MSI2: variants seen among roughly 807,000 people sequenced by gnomAD.
The protein encoded by MSI2 is musashi RNA binding protein 2, also known as RNA-binding protein Musashi homolog 2.
Under a neutral mutation model 45.6 loss-of-function variants are expected in MSI2, and 17 were observed. The ratio of observed to expected loss-of-function variants is 0.37; its 90% CI spans 0.26 to 0.56. The LOEUF is 0.56. Among genes scored for constraint, MSI2 ranks in the 20% least tolerant of loss-of-function variants. The probability of loss-of-function intolerance (pLI) is 0.77; values close to 1 mark genes in which losing one functional copy is unlikely to be tolerated. For synonymous variants in MSI2, 156 were observed against 158.2 expected, an observed-to-expected ratio of 0.99 and a Z score of 0.11; for missense variants, 293 against 444.2, an observed-to-expected ratio of 0.66 and a Z score of 3.06.
chr17:57,369,761 A>G (rs946871773), intron 5 of MSI2, among the ~76,000 whole-genome samples: 1 of 152,176 alleles, frequency 6.6e-6, no homozygotes. Flanking sequence ...ATCCCATTTT[A>G]TAGATGAAGA....
chr17:57,379,242 TA>T (rs943698091), intron 5 of MSI2, among the ~76,000 whole-genome samples: 1 of 151,572 alleles, frequency 6.6e-6, no homozygotes, highest in Non-Finnish European at 1.5e-5. Context: ...GAGAAAAACC[TA>T]AAAAAACTAC....
At chr17:57,317,610 C>T (rs1912962322) in intron 5 of MSI2, among the ~76,000 whole-genome samples, 2 of 150,546 alleles carry the variant, frequency 1.3e-5, no homozygotes, top group Admixed American at 6.6e-5. Flanking sequence ...TCCTGGGCTC[C>T]AGTGATCCTC....
chr17:57,444,181 G>T (rs1162675404), intron 6 of MSI2, among the ~76,000 whole-genome samples: 1 of 152,162 alleles, frequency 6.6e-6, no homozygotes, highest in Non-Finnish European at 1.5e-5. Context: ...CCTGCACATG[G>T]CTAGGCATCC....
intron 5 of MSI2, among the ~76,000 whole-genome samples, chr17:57,327,810 G>A (rs1913930696): frequency 6.6e-6 from 1 of 152,142 alleles, no homozygotes; most frequent in Admixed American, 6.5e-5. Flanking sequence ...GGGACTTGTA[G>A]TTCAGGCTCA....
rs767038158 is a variant in MSI2 at position 57,257,434 on chromosome 17, C to T, written c.104-32C>T. On this transcript the variant is annotated intron_variant, in intron 2 of 13. Transcript: ENST00000284073. ...GCTTTTTTTTTCCACACCTTCTCTC[C>T]CCCCCCCATCTCTCTCTTTCTCTCT... The T allele has an allele frequency of 7.1e-6, 8 of 1,125,622 alleles. No individual in the cohort carries two copies. The East Asian group carries it at 1.7e-4, about 24-fold the overall frequency. 69.7% of individuals were successfully genotyped at this position (1,125,622 alleles called of 1,614,324 possible).
At chr17:57,346,781 A>AT (rs1268088439) in intron 5 of MSI2, among the ~76,000 whole-genome samples, 1 of 151,764 alleles carries the variant, frequency 6.6e-6, no homozygotes, top group Non-Finnish European at 1.5e-5. Flanking sequence ...TAATTTTTCT[A>AT]TTTTTTGTAG....
intron 5 of MSI2, among the ~76,000 whole-genome samples, chr17:57,347,228 T>G (rs977535622): frequency 6.6e-6 from 1 of 152,172 alleles, no homozygotes; most frequent in African/African-American, 2.4e-5. Context: ...TTGCCATAGA[T>G]AATAAGGATG....
intron 7 of MSI2, among the ~76,000 whole-genome samples, chr17:57,574,876 G>T (rs935858273): frequency 1.4e-5 from 2 of 147,840 alleles, no homozygotes; most frequent in African/African-American, 5.0e-5. Flanking sequence ...TGTCGCCCAG[G>T]CTGGAGTGCA....
intron 6 of MSI2, among the ~76,000 whole-genome samples, chr17:57,432,169 C>T (rs1468059411): frequency 6.6e-6 from 1 of 152,128 alleles, no homozygotes; most frequent in Non-Finnish European, 1.5e-5. Context: ...CTTAATGTGG[C>T]TCTGGTGGAT....
In MSI2 at chr17:57,296,098, A is replaced by G. The variant is rs549025816; in HGVS notation, c.312+33906A>G. Reference sequence around the variant, plus strand: ...GTCATCACAGCTGACTACCTGCTTAATGTTTGCATATAGATATTTCATTTT... The same window carrying G: ...GTCATCACAGCTGACTACCTGCTTAGTGTTTGCATATAGATATTTCATTTT... On this transcript the variant is annotated intron_variant, in intron 5 of 13. Transcript: ENST00000284073. 9.7e-5 allele frequency among the ~76,000 whole-genome samples: 13 copies of G among 134,630 alleles called. No individual in the cohort carries two copies. In the South Asian group the frequency reaches 2.0e-3, roughly 21 times the overall value. The allele number at this position is 134,630 out of a possible 152,430, so 88.3% of individuals were successfully genotyped here.
At chr17:57,637,667 G>A (rs1350289411) in intron 10 of MSI2, among the ~76,000 whole-genome samples, 1 of 152,238 alleles carries the variant, frequency 6.6e-6, no homozygotes, top group Non-Finnish European at 1.5e-5. Context: ...TTCCCCATCT[G>A]TCAAATCAGG....
chr17:57,300,321 A>G (rs1158447006), intron 5 of MSI2, among the ~76,000 whole-genome samples: 1 of 152,208 alleles, frequency 6.6e-6, no homozygotes, highest in African/African-American at 2.4e-5. Flanking sequence ...TTTAAAATCC[A>G]TTTAAAAAAT....
chr17:57,371,746 A>G (rs1263621273), intron 5 of MSI2, among the ~76,000 whole-genome samples: 1 of 152,002 alleles, frequency 6.6e-6, no homozygotes, highest in Non-Finnish European at 1.5e-5. Context: ...TATAAGTAAC[A>G]TTGTGGAATA....
chr17:57,577,764 C>T (rs1170349582), intron 7 of MSI2, among the ~76,000 whole-genome samples: 1 of 152,190 alleles, frequency 6.6e-6, no homozygotes, highest in Non-Finnish European at 1.5e-5. Flanking sequence ...ACAGCAATTA[C>T]TTGGAGTAAG....
At chr17:57,302,474 C>T (rs1390977852) in intron 5 of MSI2, among the ~76,000 whole-genome samples, 1 of 152,192 alleles carries the variant, frequency 6.6e-6, no homozygotes. Flanking sequence ...TTCTGTCGAA[C>T]ACTAAGACCT....
chr17:57,364,460 A>G (rs1238624613), intron 5 of MSI2, among the ~76,000 whole-genome samples: 1 of 152,242 alleles, frequency 6.6e-6, no homozygotes, highest in Non-Finnish European at 1.5e-5. Flanking sequence ...AAACGGCATC[A>G]AGGATGGCAG....
At chr17:57,384,884 C>G (rs8066677) in intron 5 of MSI2, among the ~76,000 whole-genome samples, 59,110 of 151,972 alleles carry the variant, frequency 0.39, 13,282 homozygotes, top group African/African-American at 0.64. Flanking sequence ...ACACATTTAT[C>G]TTTCCTCTGC....
intron 6 of MSI2, among the ~76,000 whole-genome samples, chr17:57,455,382 G>A (rs1247119282): frequency 6.6e-6 from 1 of 152,162 alleles, no homozygotes; most frequent in Non-Finnish European, 1.5e-5. Flanking sequence ...GCCATTGCTT[G>A]TGAATTAGCA....
intron 5 of MSI2, chr17:57,265,988 T>A (rs1907731686): frequency 6.6e-6 from 1 of 152,354 alleles, no homozygotes; most frequent in Middle Eastern, 3.4e-3. Flanking sequence ...TTAGCATCTT[T>A]CAGCAAGAGC....
Sources: allele counts gnomAD v4.1 joint callset (sites outside exome capture counted in the v4.1 genomes callset), GRCh38; gene constraint gnomAD v4.1.1; transcripts MANE v1.5; gene names NCBI Gene and HGNC (gene_info 2026-07-23, HGNC 2026-07-21).